SYT1: variants seen among roughly 807,000 people sequenced by gnomAD.
SYT1 encodes synaptotagmin-1.
In SYT1, 8 loss-of-function variants were observed where a neutral mutation model predicts 44.8. The ratio of observed to expected loss-of-function variants is 0.18; its 90% CI spans 0.10 to 0.32. The LOEUF is 0.32. SYT1 is among the 10% of genes least tolerant of loss of function. The probability of loss-of-function intolerance (pLI) is 1.00; values close to 1 mark genes in which losing one functional copy is unlikely to be tolerated. For synonymous variants in SYT1, 154 were observed against 188.8 expected, an observed-to-expected ratio of 0.82 and a Z score of 1.51; for missense variants, 286 against 509.3, an observed-to-expected ratio of 0.56 and a Z score of 4.22.
chr12:78,995,156 G>A (rs577991154), intron 2 of SYT1, among the ~76,000 whole-genome samples: 2 of 152,220 alleles, frequency 1.3e-5, no homozygotes, highest in South Asian at 4.1e-4. Context: ...CTCCCAGGGG[G>A]AGCTAAATGC....
intron 4 of SYT1, among the ~76,000 whole-genome samples, chr12:79,256,145 A>G (rs990194841): frequency 3.3e-5 from 5 of 152,246 alleles, no homozygotes; most frequent in African/African-American, 7.2e-5. Context: ...TCAGTTAAAC[A>G]TTAAAAGCAG....
intron 1 of SYT1, among the ~76,000 whole-genome samples, chr12:78,929,172 C>T (rs776239115): frequency 2.9e-4 from 44 of 151,692 alleles, no homozygotes; most frequent in Admixed American, 5.3e-4. Flanking sequence ...GAGGCTGAGA[C>T]GGGCAGATCA....
chr12:79,101,272 A>C (rs1264578428), intron 3 of SYT1, among the ~76,000 whole-genome samples: 2 of 152,372 alleles, frequency 1.3e-5, no homozygotes, highest in South Asian at 2.1e-4. Flanking sequence ...GTATAACCGT[A>C]CAATGGAATA....
At chr12:79,009,106 G>A (rs1468096527) in intron 2 of SYT1, among the ~76,000 whole-genome samples, 1 of 152,072 alleles carries the variant, frequency 6.6e-6, no homozygotes, top group Non-Finnish European at 1.5e-5. Flanking sequence ...CTTGCACGAA[G>A]ATACCTCTTT....
intron 3 of SYT1, among the ~76,000 whole-genome samples, chr12:79,100,883 A>G (rs1282845739): frequency 6.6e-6 from 1 of 152,122 alleles, no homozygotes; most frequent in Non-Finnish European, 1.5e-5. Context: ...TGTAAATTCT[A>G]TATTTTTATA....
intron 3 of SYT1, among the ~76,000 whole-genome samples, chr12:79,127,522 A>C (rs534836668): frequency 6.6e-6 from 1 of 152,366 alleles, no homozygotes; most frequent in Non-Finnish European, 1.5e-5. Context: ...CAGATTCCTC[A>C]GTTGTAAGAT....
At position 79,322,382 on chromosome 12, in the gene SYT1, A is replaced by AG. The variant is rs548164519; in HGVS notation, c.810+22831_810+22832insG. Among the ~76,000 whole-genome samples the AG allele has an allele frequency of 1.6e-3, 241 of 152,236 alleles. 1 individual carries two copies. The highest frequency in any genetic ancestry group is 5.5e-3 in the African/African-American group (230 of 41,544). On this transcript the variant is annotated intron_variant, in intron 8 of 10. Coordinates refer to ENST00000261205, the MANE Select transcript of SYT1 (RefSeq NM_005639.3). ...AAAAAAACTCTGAGATTTACCACTT[A>AG]CATGCCTGCATCTGTTTGGATTAAC... is the stretch of plus-strand genomic sequence containing the variant.
intron 1 of SYT1, among the ~76,000 whole-genome samples, chr12:78,944,202 T>C (rs1011192042): frequency 2.3e-5 from 3 of 131,702 alleles, no homozygotes; most frequent in Non-Finnish European, 4.9e-5. Context: ...AAGGTTTTTC[T>C]TTTTAAACAG....
intron 9 of SYT1, among the ~76,000 whole-genome samples, chr12:79,368,144 G>A (rs1052828666): frequency 1.1e-4 from 16 of 149,442 alleles, no homozygotes; most frequent in African/African-American, 1.5e-4. Flanking sequence ...GAGAACACGC[G>A]GTGTTTGATT....
chr12:78,968,664 C>T (rs1345479670), intron 1 of SYT1, among the ~76,000 whole-genome samples: 1 of 152,118 alleles, frequency 6.6e-6, no homozygotes, highest in Non-Finnish European at 1.5e-5. Flanking sequence ...TTGAACACTT[C>T]CCAATCTGGG....
intron 2 of SYT1, among the ~76,000 whole-genome samples, chr12:79,017,051 G>A (rs1871854329): frequency 1.3e-5 from 2 of 151,970 alleles, no homozygotes. Flanking sequence ...AGAAATCCCT[G>A]GTGGGAATGG....
chr12:79,084,816 G>C (rs964078438), intron 3 of SYT1, among the ~76,000 whole-genome samples: 2 of 152,072 alleles, frequency 1.3e-5, no homozygotes, highest in Non-Finnish European at 2.9e-5. Context: ...ATTTGATATA[G>C]ATAAAGTAGT....
At chr12:79,382,061 A>G (rs765869294) in intron 9 of SYT1, among the ~76,000 whole-genome samples, 3 of 152,208 alleles carry the variant, frequency 2.0e-5, no homozygotes, top group South Asian at 4.1e-4. Flanking sequence ...TATTAAGACC[A>G]TTTTAGTCAA....
intron 1 of SYT1, among the ~76,000 whole-genome samples, chr12:78,955,009 C>G (rs1389385277): frequency 6.6e-6 from 1 of 152,132 alleles, no homozygotes; most frequent in Non-Finnish European, 1.5e-5. Flanking sequence ...GATGAGAAAA[C>G]TGTGTAAATC....
chr12:79,187,815 G>A (rs1872889513), intron 3 of SYT1, among the ~76,000 whole-genome samples: 1 of 152,106 alleles, frequency 6.6e-6, no homozygotes, highest in African/African-American at 2.4e-5. Context: ...TGATATGTTG[G>A]AATGTCTAAT....
intron 1 of SYT1, among the ~76,000 whole-genome samples, chr12:78,945,720 T>A (rs1373050423): frequency 1.3e-5 from 2 of 152,076 alleles, no homozygotes; most frequent in African/African-American, 4.8e-5. Context: ...GACATGAATC[T>A]CGTAATATTA....
chr12:79,319,746 A>T (rs992099512), intron 8 of SYT1, among the ~76,000 whole-genome samples: 1 of 152,202 alleles, frequency 6.6e-6, no homozygotes, highest in African/African-American at 2.4e-5. Flanking sequence ...GAAAAATCTC[A>T]TATAAAATTC....
At chr12:78,899,295 A>C (rs537985574) in intron 1 of SYT1, among the ~76,000 whole-genome samples, 4 of 152,130 alleles carry the variant, frequency 2.6e-5, no homozygotes, top group African/African-American at 9.6e-5. Context: ...TTAAGAGTGC[A>C]ATGTAATAAC....
intron 3 of SYT1, 21 bp from the exon 4 acceptor site, chr12:79,217,482 T>C (rs1189648137): frequency 1.8e-5 from 28 of 1,540,828 alleles, no homozygotes; most frequent in Non-Finnish European, 2.3e-5. Flanking sequence ...TTGTTCTGTC[T>C]TTGCTTCCCT....
Sources: allele counts gnomAD v4.1 joint callset (sites outside exome capture counted in the v4.1 genomes callset), GRCh38; gene constraint gnomAD v4.1.1; transcripts MANE v1.5; gene names NCBI Gene and HGNC (gene_info 2026-07-23, HGNC 2026-07-21).